KCNN2: variants seen among roughly 807,000 people sequenced by gnomAD.
The protein encoded by KCNN2 is potassium calcium-activated channel subfamily N member 2.
KCNN2 carries 24 observed loss-of-function variants against 55.5 expected under a neutral mutation model. That is an observed-to-expected ratio of 0.43 (90% CI 0.31 to 0.61). The LOEUF is 0.61. Ranked by LOEUF, KCNN2 falls within the 20% of genes least tolerant of loss-of-function variation. The probability of loss-of-function intolerance (pLI) is 0.08; values close to 1 mark genes in which losing one functional copy is unlikely to be tolerated. For synonymous variants in KCNN2, 431 were observed against 336.1 expected (o/e 1.28, Z -3.09); for missense variants, 754 against 853.6 (o/e 0.88, Z 1.45).
Position 114,123,252 on chromosome 5 carries a change from T to G in KCNN2, c.-271+66752T>G, listed in dbSNP as rs1751860190. Among the ~76,000 whole-genome samples, 4 of 152,180 alleles carry G rather than the reference T, an allele frequency of 2.6e-5. No individual in the cohort carries two copies. The South Asian group carries it at 8.3e-4, about 31-fold the overall frequency. On this transcript the variant is annotated intron_variant, in intron 1 of 10. Coordinates refer to the KCNN2 transcript ENST00000512097. ...TGCTGTATTGTATCCACTTTTTTTC[T>G]GTGCTTGGAGGTTTGCATGTATTCA...
chr5:114,206,379 A>G (rs530433949), intron 1 of KCNN2, among the ~76,000 whole-genome samples: 11 of 152,200 alleles, frequency 7.2e-5, no homozygotes, highest in South Asian at 2.1e-4. Flanking sequence ...ACGCACCTAA[A>G]TTCCACATAT....
intron 2 of KCNN2, among the ~76,000 whole-genome samples, chr5:114,224,997 A>G (rs1754212338): frequency 6.6e-6 from 1 of 152,262 alleles, no homozygotes; most frequent in Admixed American, 6.5e-5. Flanking sequence ...ATGACCAGAC[A>G]AGCAAGAATT....
intron 3 of KCNN2, among the ~76,000 whole-genome samples, chr5:114,447,986 G>A (rs1198922608): frequency 2.0e-5 from 3 of 152,098 alleles, no homozygotes; most frequent in East Asian, 1.9e-4. Context: ...ACTAGTGAAA[G>A]CTACATGATC....
At chr5:114,381,729 A>G (rs948872675) in intron 2 of KCNN2, among the ~76,000 whole-genome samples, 5 of 152,030 alleles carry the variant, frequency 3.3e-5, no homozygotes, top group Non-Finnish European at 7.4e-5. Flanking sequence ...CCTGAGCAAC[A>G]TTTGCGTTTG....
intron 1 of KCNN2, among the ~76,000 whole-genome samples, chr5:114,205,060 G>GA (rs1753741918): frequency 7.0e-6 from 1 of 142,722 alleles, no homozygotes; most frequent in African/African-American, 2.6e-5. Flanking sequence ...GCTTTGGGAG[G>GA]AATCTTCAGT....
chr5:114,393,862 A>T (rs1014144200), intron 2 of KCNN2, among the ~76,000 whole-genome samples: 5 of 151,664 alleles, frequency 3.3e-5, no homozygotes, highest in African/African-American at 1.2e-4. Context: ...ATTTAATGGC[A>T]TACTATTCAT....
chr5:114,450,132 C>T (rs1297896602), intron 3 of KCNN2, among the ~76,000 whole-genome samples: 1 of 152,242 alleles, frequency 6.6e-6, no homozygotes, highest in Non-Finnish European at 1.5e-5. Flanking sequence ...CATCCGTCAG[C>T]TGGCCGCTAC....
Position 114,496,101 on chromosome 5 carries a change from C to A in KCNN2, c.2295C>A (p.Tyr765Ter), listed in dbSNP as rs748092948. 8.1e-6 allele frequency: 13 copies of A among 1,613,942 alleles called. No individual in the cohort carries two copies. The South Asian group carries it at 1.2e-4, about 15-fold the overall frequency. ...QMESYDKHVT[Y>*]NAERSRSSSR... is the part of the protein sequence containing the mutation. ...AGAGCTACGACAAGCACGTCACTTA[C>A]AATGCTGAGCGGTCCCGGTCCTCGT... Residue 765 changes from tyrosine to a stop codon, truncating the protein, a stop_gained, in exon 8 of 8, where the codon TAC becomes TAA. Coordinates refer to ENST00000673685, the MANE Select transcript of KCNN2 (RefSeq NM_021614.4). LOFTEE classifies it high-confidence loss of function.
intron 6 of KCNN2, among the ~76,000 whole-genome samples, chr5:114,489,200 T>C (rs1186043718): frequency 2.0e-5 from 3 of 152,212 alleles, no homozygotes; most frequent in African/African-American, 7.2e-5. Context: ...ATGTTCAGAA[T>C]ACATTCACAT....
chr5:114,365,231 G>T (rs2150047368), intron 2 of KCNN2, among the ~76,000 whole-genome samples: 1 of 152,200 alleles, frequency 6.6e-6, no homozygotes, highest in Admixed American at 6.5e-5. Context: ...AAGGGATGAG[G>T]TTGGAGAATG....
chr5:114,144,088 C>T (rs1752346674), intron 1 of KCNN2, among the ~76,000 whole-genome samples: 1 of 152,180 alleles, frequency 6.6e-6, no homozygotes, highest in Admixed American at 6.6e-5. Flanking sequence ...TGAGAGGCCT[C>T]AAAAATCTGT....
At chr5:114,372,973 C>G (rs762133519) in intron 2 of KCNN2, among the ~76,000 whole-genome samples, 4 of 152,064 alleles carry the variant, frequency 2.6e-5, no homozygotes, top group Non-Finnish European at 4.4e-5. Flanking sequence ...GTGAGCATCT[C>G]TTGTGATTTC....
At chr5:114,469,499 G>C (rs895358980) in intron 4 of KCNN2, among the ~76,000 whole-genome samples, 3 of 151,916 alleles carry the variant, frequency 2.0e-5, no homozygotes, top group African/African-American at 7.2e-5. Flanking sequence ...TACATTTTCT[G>C]ACTTTGGTGA....
At chr5:114,118,398 A>C (rs554278884) in intron 1 of KCNN2, among the ~76,000 whole-genome samples, 29 of 152,282 alleles carry the variant, frequency 1.9e-4, no homozygotes, top group Middle Eastern at 3.4e-3. Context: ...TGCAATCTAC[A>C]GTCTGCAAGT....
At chr5:114,106,960 A>T (rs1298936742) in intron 1 of KCNN2, among the ~76,000 whole-genome samples, 1 of 152,070 alleles carries the variant, frequency 6.6e-6, no homozygotes, top group African/African-American at 2.4e-5. Context: ...TTACAAGGTC[A>T]TGAAGATATT....
At chr5:114,284,096 C>T (rs1256494512) in intron 2 of KCNN2, among the ~76,000 whole-genome samples, 5 of 152,138 alleles carry the variant, frequency 3.3e-5, no homozygotes, top group Non-Finnish European at 7.3e-5. Context: ...AAGAACTCCA[C>T]CCCTCTCAGG....
intron 4 of KCNN2, among the ~76,000 whole-genome samples, chr5:114,467,597 T>C (rs567901999): frequency 6.6e-6 from 1 of 152,272 alleles, no homozygotes; most frequent in African/African-American, 2.4e-5. Flanking sequence ...GCAGAGCAGC[T>C]GGAGGAGATG....
At chr5:114,160,130 C>A (rs147508843) in intron 1 of KCNN2, among the ~76,000 whole-genome samples, 1 of 152,134 alleles carries the variant, frequency 6.6e-6, no homozygotes, top group South Asian at 2.1e-4. Context: ...TGCTTTCTCT[C>A]GTGGGCATTT....
intron 2 of KCNN2, among the ~76,000 whole-genome samples, chr5:114,352,097 A>G (rs1022607247): frequency 6.6e-6 from 1 of 151,760 alleles, no homozygotes; most frequent in African/African-American, 2.4e-5. Context: ...TTCTAATACA[A>G]TTACTTTACT....
Sources: allele counts gnomAD v4.1 joint callset (sites outside exome capture counted in the v4.1 genomes callset), GRCh38; gene constraint gnomAD v4.1.1; transcripts MANE v1.5; gene names NCBI Gene and HGNC (gene_info 2026-07-23, HGNC 2026-07-21).